The following CPXM2 variants were observed in gnomAD, a reference collection of about 807,000 sequenced individuals.
CPXM2 encodes carboxypeptidase X, M14 family member 2, also known as inactive carboxypeptidase-like protein X2.
CPXM2 carries 66 observed loss-of-function variants against 86.1 expected under a neutral mutation model. The ratio of observed to expected loss-of-function variants is 0.77; its 90% confidence interval spans 0.63 to 0.94. CPXM2 has a LOEUF of 0.94. Among genes scored for constraint, CPXM2 ranks in the 40% least tolerant of loss-of-function variants. The probability of loss-of-function intolerance (pLI) is 0.00; values close to 1 mark genes in which losing one functional copy is unlikely to be tolerated. For synonymous variants in CPXM2, 388 were observed against 400.2 expected (o/e 0.97, Z 0.36); for missense variants, 948 against 1,026.3 (o/e 0.92, Z 1.04).
chr10:123,870,012 C>T (rs1944865206), intron 2 of CPXM2, among the ~76,000 whole-genome samples: 1 of 152,082 alleles, frequency 6.6e-6, no homozygotes, highest in Admixed American at 6.5e-5. Flanking sequence ...TGAGTCGTGT[C>T]ATGAAAATTA....
chr10:123,913,851 C>T (rs1945511180), intron 2 of CPXM2: 3 of 378,316 alleles, frequency 7.9e-6, no homozygotes, highest in South Asian at 2.0e-5. Flanking sequence ...TGGCATACTT[C>T]CAAGCACCAT....
rs1419684180 is a variant in CPXM2, at chr10:123,754,632, C to G, written c.2017+31G>C. 2.5e-6 allele frequency: 3 copies of G among 1,179,922 alleles called. No homozygotes were observed. Among genetic ancestry groups the G allele is most frequent in the Non-Finnish European group, 3.8e-6 (3 of 785,882 alleles). 73.1% of individuals were successfully genotyped at this position (1,179,922 alleles called of 1,614,324 possible). ...GCCTAAAAAAATGGGTATTTCTTAC[C>G]AAGAGACAGTCTGCACACATTTGCA... On this transcript the variant is annotated intron_variant, in intron 13 of 13. Coordinates refer to ENST00000241305, the MANE Select transcript of CPXM2 (RefSeq NM_198148.3). This position sits in a 1 kb window ranked among gnomAD's most constrained non-coding sequence, Gnocchi z 4.0.
intron 4 of CPXM2, among the ~76,000 whole-genome samples, chr10:123,838,188 A>T (rs1319154415): frequency 6.6e-6 from 1 of 152,246 alleles, no homozygotes; most frequent in Non-Finnish European, 1.5e-5. Context: ...AGGGCAAGGC[A>T]CGATGGCTCA....
chr10:123,760,727 A>C (rs1846312261), intron 11 of CPXM2, among the ~76,000 whole-genome samples: 1 of 152,186 alleles, frequency 6.6e-6, no homozygotes, highest in African/African-American at 2.4e-5. Context: ...AAGCACATCC[A>C]CATCTTCCAC....
At chr10:123,929,342 G>A (rs1200488740) in intron 2 of CPXM2, among the ~76,000 whole-genome samples, 4 of 152,222 alleles carry the variant, frequency 2.6e-5, no homozygotes, top group African/African-American at 7.2e-5. Context: ...TCCTTCCCCT[G>A]GAGTGAATGA....
chr10:123,758,899 T>C (rs1240244167), intron 11 of CPXM2, among the ~76,000 whole-genome samples: 2 of 152,176 alleles, frequency 1.3e-5, no homozygotes, highest in Non-Finnish European at 2.9e-5. Flanking sequence ...TCTCCTGCGA[T>C]GCTCAGTATC....
intron 2 of CPXM2, chr10:123,913,537 A>C (rs1262558081): frequency 1.2e-5 from 2 of 166,226 alleles, no homozygotes; most frequent in Non-Finnish European, 2.6e-5. Flanking sequence ...CCTTGTTCCC[A>C]CAAAGGGAAT....
chr10:123,844,099 T>C (rs1470135660), intron 3 of CPXM2, among the ~76,000 whole-genome samples: 1 of 152,016 alleles, frequency 6.6e-6, no homozygotes, highest in Non-Finnish European at 1.5e-5. Flanking sequence ...GCAAAATCGA[T>C]TATGAATTTA....
rs58182537 is a variant in CPXM2 at position 123,746,228 on chromosome 10, G to A, written c.*536C>T. On this transcript the variant is annotated 3_prime_UTR_variant, in exon 14 of 14. Transcript: ENST00000241305. ...TCACTGATGTGCACTTGGCAATGACGCTATTGTCAAAAGAACACAGAATTT... is the reference window on the plus strand; with the variant it reads ...TCACTGATGTGCACTTGGCAATGACACTATTGTCAAAAGAACACAGAATTT... The A allele has an allele frequency of 9.2e-3, 1,436 of 156,750 alleles. 27 individuals are homozygous for A. The highest frequency in any genetic ancestry group is 0.033 in the African/African-American group (1,371 of 41,596). The allele number at this position is 156,750 out of a possible 1,614,324, so 9.7% of individuals were successfully genotyped here.
chr10:123,780,157 T>C lies in CPXM2; in HGVS notation c.978+10A>G, dbSNP rs750340550. ...ATTCCTGGCATGAGGCTTTGTGATC[T>C]GGGTCTTACCTGGCGCATTTCCTTA... On this transcript the variant is annotated intron_variant, in intron 7 of 13. Transcript: ENST00000241305. 6.4e-7 allele frequency: 1 copy of C among 1,558,958 alleles called. No homozygotes were observed. Among genetic ancestry groups the C allele is most frequent in the Admixed American group, 1.7e-5 (1 of 59,940 alleles).
At chr10:123,930,757 T>G (rs1945660995) in intron 2 of CPXM2, among the ~76,000 whole-genome samples, 1 of 152,228 alleles carries the variant, frequency 6.6e-6, no homozygotes, top group African/African-American at 2.4e-5. Context: ...TCCAATGAAT[T>G]GCTGAAAGAA....
chr10:123,803,610 A>G (rs1471260202), intron 4 of CPXM2, among the ~76,000 whole-genome samples: 1 of 152,064 alleles, frequency 6.6e-6, no homozygotes, highest in Non-Finnish European at 1.5e-5. Context: ...TTTGGAGTTG[A>G]TTACCATATA....
At chr10:123,899,494 A>T (rs1056172452) in intron 2 of CPXM2, among the ~76,000 whole-genome samples, 1 of 152,258 alleles carries the variant, frequency 6.6e-6, no homozygotes, top group Admixed American at 6.5e-5. Context: ...AAAGATACCT[A>T]TGCTCTTGCA....
At chr10:123,881,228 CTTCTCTTCCCTTCCCT>C (rs1564811038) in intron 1 of CPXM2, among the ~76,000 whole-genome samples, 2 of 94,294 alleles carry the variant, frequency 2.1e-5, no homozygotes, top group Non-Finnish European at 4.5e-5. Flanking sequence ...CTGGAGCACC[CTTCTCTTCCCTTCCCT>C]TCCCTTCCCT....
At chr10:123,843,768 A>C (rs1183937576) in intron 3 of CPXM2, among the ~76,000 whole-genome samples, 1 of 152,184 alleles carries the variant, frequency 6.6e-6, no homozygotes, top group Non-Finnish European at 1.5e-5. Flanking sequence ...GTACCAGCTA[A>C]CATAAGCGTT....
chr10:123,867,811 G>A (rs774019720), intron 2 of CPXM2, among the ~76,000 whole-genome samples: 4 of 152,150 alleles, frequency 2.6e-5, no homozygotes, highest in Non-Finnish European at 4.4e-5. Flanking sequence ...GGGATTACAG[G>A]CATGAGCCAC....
intron 11 of CPXM2, among the ~76,000 whole-genome samples, chr10:123,760,671 G>A (rs1343434059): frequency 6.6e-6 from 1 of 152,142 alleles, no homozygotes; most frequent in African/African-American, 2.4e-5. Flanking sequence ...AGGGGAGTCC[G>A]CAGGGGATGG....
intron 3 of CPXM2, among the ~76,000 whole-genome samples, chr10:123,850,033 A>T (rs2134169487): frequency 6.6e-6 from 1 of 152,298 alleles, no homozygotes; most frequent in Non-Finnish European, 1.5e-5. Context: ...ACCTACTGTA[A>T]CTACTCTTTT....
chr10:123,871,478 A>T (rs1423776355), intron 2 of CPXM2, among the ~76,000 whole-genome samples: 1 of 152,218 alleles, frequency 6.6e-6, no homozygotes, highest in Non-Finnish European at 1.5e-5. Context: ...ACATTTCTCA[A>T]CCCTCAAGCA....
Sources: gnomAD v4.1 joint callset for allele counts (sites outside exome capture counted in the v4.1 genomes callset) on GRCh38, gnomAD v4.1.1 for gene constraint, Gnocchi (gnomAD v3.1) non-coding constraint, MANE v1.5 for transcripts, NCBI Gene and HGNC (gene_info 2026-07-23, HGNC 2026-07-21) for gene names.